API5: variants seen among roughly 807,000 people sequenced by gnomAD.
API5 encodes FIF.
A neutral mutation model predicts 71.9 loss-of-function variants in API5; 6 were observed. The observed-to-expected ratio is 0.08, with a 90% CI of 0.05 to 0.16. The LOEUF is 0.16. API5 is among the 10% of genes least tolerant of loss of function. The pLI is 1.00. For missense variants in API5, 332 were observed against 612.8 expected, an observed-to-expected ratio of 0.54 and a Z score of 4.84; for synonymous variants, 189 against 221.3, an observed-to-expected ratio of 0.85 and a Z score of 1.30.
intron 7 of API5, among the ~76,000 whole-genome samples, chr11:43,326,843 T>C (rs1855093819): frequency 2.0e-5 from 3 of 152,214 alleles, no homozygotes; most frequent in Admixed American, 2.0e-4. Flanking sequence ...CAGTCTCTAC[T>C]TTTGTAGCCT....
At chr11:43,335,761 G>T in intron 12 of API5, 97 bp from the exon 13 acceptor site, 1 of 1,315,590 alleles carries the variant, frequency 7.6e-7, no homozygotes, top group Non-Finnish European at 1.0e-6. Flanking sequence ...ATCCTCTTTA[G>T]GATGTCTTTC....
At position 43,326,622 on chromosome 11, in the gene API5, A is replaced by C. The variant is rs774828368; in HGVS notation, c.855+11A>C. ...GATATACAGTTGGAGGTAAGCAAAA[A>C]TTTCAGCTTTAGCACTGATAAGGCA... On this transcript the variant is annotated intron_variant, in intron 7 of 13. Coordinates refer to ENST00000531273, the MANE Select transcript of API5 (RefSeq NM_001142930.2). The C allele has an allele frequency of 6.6e-7, 1 of 1,525,640 alleles. No individual in the cohort carries two copies. The highest frequency in any genetic ancestry group is 1.1e-5 in the South Asian group (1 of 87,450). The allele number at this position is 1,525,640 out of a possible 1,614,324, so 94.5% of individuals were successfully genotyped here.
chr11:43,328,367 T>C (rs958988562), intron 8 of API5, among the ~76,000 whole-genome samples: 1 of 152,222 alleles, frequency 6.6e-6, no homozygotes, highest in African/African-American at 2.4e-5. Flanking sequence ...TGATGTCAAA[T>C]CTAGATTGAA....
chr11:43,317,195 C>T (rs1854701612), intron 1 of API5, among the ~76,000 whole-genome samples: 1 of 151,956 alleles, frequency 6.6e-6, no homozygotes, highest in South Asian at 2.1e-4. Context: ...GTTGTTTTTC[C>T]AGTTACTAAG....
chr11:43,336,044 T>C (rs922361183), intron 13 of API5, 50 bp downstream of exon 13: 1 of 1,592,500 alleles, frequency 6.3e-7, no homozygotes, highest in Non-Finnish European at 8.6e-7. Flanking sequence ...AGGCAGAAAT[T>C]GTGTTATACT....
chr11:43,340,216 T>C (rs1446253788), intron 13 of API5: 1 of 352,172 alleles, frequency 2.8e-6, no homozygotes, highest in Admixed American at 4.1e-5. Flanking sequence ...AGGAATAAAT[T>C]AACCAAGAAG....
intron 8 of API5, 99 bp from the exon 9 acceptor site, chr11:43,328,613 C>G: frequency 9.1e-7 from 1 of 1,094,316 alleles, no homozygotes. Context: ...GTTTTTAATG[C>G]TCCATGCCTT....
intron 6 of API5, 43 bp from the exon 7 acceptor site, chr11:43,326,464 A>G (rs771387867): frequency 1.5e-5 from 18 of 1,205,000 alleles, no homozygotes; most frequent in Middle Eastern, 2.6e-4. Context: ...ATTTGAGCGA[A>G]TATTTGTTTT....
At position 43,322,212 on chromosome 11, in the gene API5, G is replaced by A. The variant is rs1282388948; in HGVS notation, c.543+76G>A. 3 of 1,370,978 alleles carry A rather than the reference G, an allele frequency of 2.2e-6. No homozygotes were observed. In the African/African-American group the frequency reaches 4.4e-5, roughly 20 times the overall value. 84.9% of individuals were successfully genotyped at this position (1,370,978 alleles called of 1,614,324 possible). On this transcript the variant is annotated intron_variant, in intron 5 of 13. Transcript: ENST00000531273. ...CTTGACATTGGCAGTATTCGTCAAT[G>A]TTATGTGTGGCTTGTGTATAAAATG...
rs1479970462 is a variant in API5, at chr11:43,343,479, C to G, written c.*969C>G. On this transcript the variant is annotated 3_prime_UTR_variant, in exon 14 of 14. Coordinates refer to ENST00000531273, the MANE Select transcript of API5 (RefSeq NM_001142930.2). ...TGAAATAACAACCAAAATACTGAAT[C>G]TGATGTACATACAGGTTTCTACAGG... 2 of 152,546 alleles carry G rather than the reference C, an allele frequency of 1.3e-5. No individual in the cohort carries two copies. The highest frequency in any genetic ancestry group is 1.3e-4 in the Admixed American group (2 of 15,274). The allele number at this position is 152,546 out of a possible 1,614,324, so 9.4% of individuals were successfully genotyped here. A position where few individuals can be genotyped will look rare whatever the true frequency, so the allele number is the denominator to read the frequency against.
intron 13 of API5, among the ~76,000 whole-genome samples, chr11:43,337,007 C>CAAAAA (rs559170436): frequency 1.3e-4 from 9 of 66,840 alleles, no homozygotes; most frequent in Non-Finnish European, 1.7e-4. Flanking sequence ...GACTCCGTCT[C>CAAAAA]AAAAAAAAAA....
intron 1 of API5, 99 bp downstream of exon 1, chr11:43,312,295 T>G: frequency 7.4e-7 from 1 of 1,344,646 alleles, no homozygotes; most frequent in South Asian, 1.2e-5. Flanking sequence ...GGCTGCGGCT[T>G]CATCCTCCCG....
intron 11 of API5, among the ~76,000 whole-genome samples, chr11:43,331,048 C>T (rs1276793210): frequency 6.6e-6 from 1 of 152,138 alleles, no homozygotes; most frequent in Non-Finnish European, 1.5e-5. Context: ...TTATACAATA[C>T]AGTTACAGCT....
intron 2 of API5, chr11:43,319,089 T>C (rs1854776296): frequency 9.3e-6 from 3 of 323,734 alleles, no homozygotes; most frequent in Non-Finnish European, 1.7e-5. Context: ...TAGATTGTTA[T>C]TCATTGTGCA....
rs1269768944 is a variant in API5, at chr11:43,335,895, C to T, written c.1393C>T (p.Pro465Ser). 4 of 1,612,966 alleles carry T rather than the reference C, an allele frequency of 2.5e-6. No homozygotes were observed. Among genetic ancestry groups the T allele is most frequent in the Non-Finnish European group, 3.4e-6 (4 of 1,179,790 alleles). ...CAGTGAAGATACAACTTCAGGTTCA[C>T]CACCCAAGAAATCTTCAGCAGGACC... ...RASEDTTSGS[P>S]PKKSSAGPKR... The change falls in exon 13 of 14, where the codon CCA (proline) becomes TCA (serine). Residue 465 changes from proline (P) to serine (S), a missense_variant. Coordinates refer to ENST00000531273, the MANE Select transcript of API5 (RefSeq NM_001142930.2).
At chr11:43,329,049 T>C (rs551397199) in intron 9 of API5, 156 bp downstream of exon 9, 16 of 735,072 alleles carry the variant, frequency 2.2e-5, no homozygotes, top group South Asian at 1.2e-4. Context: ...TGTAAACATA[T>C]GACAGAAATG....
chr11:43,318,845 CTG>C, intron 2 of API5, 44 bp downstream of exon 2: 2 of 1,559,208 alleles, frequency 1.3e-6, no homozygotes, highest in African/African-American at 1.4e-5. Context: ...TCAGATGTTT[CTG>C]TATGTGGCTG....
chr11:43,337,593 T>C (rs997578731), intron 13 of API5, among the ~76,000 whole-genome samples: 2 of 152,120 alleles, frequency 1.3e-5, no homozygotes, highest in South Asian at 4.1e-4. Context: ...ATCTGAAAAA[T>C]GAGGTAAGAG....
intron 11 of API5, among the ~76,000 whole-genome samples, chr11:43,333,446 G>C (rs1855325024): frequency 6.6e-6 from 1 of 152,090 alleles, no homozygotes; most frequent in Non-Finnish European, 1.5e-5. Context: ...GTTTATATGG[G>C]CAAAAACTGA....
Sources: gnomAD v4.1 joint callset for allele counts (sites outside exome capture counted in the v4.1 genomes callset) on GRCh38, gnomAD v4.1.1 for gene constraint, MANE v1.5 for transcripts, NCBI Gene and HGNC (gene_info 2026-07-23, HGNC 2026-07-21) for gene names.